The following ZDHHC21 variants were observed in gnomAD, a reference collection of about 807,000 sequenced individuals.
ZDHHC21 encodes the protein zDHHC palmitoyltransferase 21, also known as palmitoyltransferase ZDHHC21.
In ZDHHC21, 15 loss-of-function variants were observed where a neutral mutation model predicts 34.6. The observed-to-expected ratio is 0.43, with a 90% CI of 0.29 to 0.67. The LOEUF (loss-of-function observed/expected upper bound fraction) is 0.67, where lower values mean the gene tolerates loss of function less well. ZDHHC21 is among the 30% of genes least tolerant of loss of function. The pLI is 0.14. For missense variants in ZDHHC21, 344 were observed against 327.7 expected (o/e 1.05, Z -0.38); for synonymous variants, 142 against 101.8 (o/e 1.40, Z -2.38).
At chr9:14,610,084 A>T (rs973790563), downstream of ZDHHC21, among the ~76,000 whole-genome samples, 3 of 152,206 alleles carry the variant, frequency 2.0e-5, no homozygotes, top group South Asian at 6.2e-4. Context: ...TAAATGAATT[A>T]GCAACTATTT....
At chr9:14,633,974 G>A (rs1294704897) in intron 8 of ZDHHC21, among the ~76,000 whole-genome samples, 1 of 152,180 alleles carries the variant, frequency 6.6e-6, no homozygotes, top group African/African-American at 2.4e-5. Flanking sequence ...TGTACCACCA[G>A]GGGACCTGAG....
the ZDHHC21 span, among the ~76,000 whole-genome samples, chr9:14,597,017 C>T: frequency 6.6e-6 from 1 of 152,154 alleles, no homozygotes; most frequent in Non-Finnish European, 1.5e-5. Context: ...TCCCCCAGTA[C>T]ACTTTTCCAT....
chr9:14,608,482 T>A (rs1221772121), downstream of ZDHHC21, among the ~76,000 whole-genome samples: 1 of 152,192 alleles, frequency 6.6e-6, no homozygotes, highest in African/African-American at 2.4e-5. Flanking sequence ...ATTTCCTCAA[T>A]AGTCTGGCTT....
At chr9:14,628,170 G>C (rs1196524044) in intron 8 of ZDHHC21, among the ~76,000 whole-genome samples, 3 of 152,076 alleles carry the variant, frequency 2.0e-5, no homozygotes, top group Non-Finnish European at 2.9e-5. Context: ...GAAACATCTG[G>C]TTGTGTTGAA....
At chr9:14,646,598 A>G (rs1442365110) in intron 7 of ZDHHC21, among the ~76,000 whole-genome samples, 1 of 152,086 alleles carries the variant, frequency 6.6e-6, no homozygotes. Flanking sequence ...CTACAACTAC[A>G]CTGACCTCCT....
intron 5 of ZDHHC21, among the ~76,000 whole-genome samples, chr9:14,669,450 C>A (rs1423301425): frequency 1.2e-4 from 18 of 148,920 alleles, no homozygotes; most frequent in Non-Finnish European, 3.0e-5. Context: ...TGTGGCGATT[C>A]CTCAGGGATC....
At chr9:14,632,243 T>C (rs928040665) in intron 8 of ZDHHC21, among the ~76,000 whole-genome samples, 8 of 152,108 alleles carry the variant, frequency 5.3e-5, no homozygotes, top group African/African-American at 1.9e-4. Flanking sequence ...CATAAAGATA[T>C]CTCTATGTCA....
At chr9:14,650,140 T>C (rs1830972075) in intron 7 of ZDHHC21, among the ~76,000 whole-genome samples, 1 of 152,004 alleles carries the variant, frequency 6.6e-6, no homozygotes, top group South Asian at 2.1e-4. Context: ...GTTTCTGTGT[T>C]CCATCTCTCA....
chr9:14,673,544 T>C (rs1587381292), intron 4 of ZDHHC21, among the ~76,000 whole-genome samples: 2 of 151,070 alleles, frequency 1.3e-5, no homozygotes, highest in African/African-American at 4.9e-5. Context: ...AAAAAAAACA[T>C]ACTGTACATG....
Position 14,672,937 on chromosome 9 carries a change from T to C in ZDHHC21, c.155-9A>G. 3 of 1,428,848 alleles carry C rather than the reference T, an allele frequency of 2.1e-6. No homozygotes were observed. The highest frequency in any genetic ancestry group is 1.4e-5 in the South Asian group (1 of 72,842). 88.5% of individuals were successfully genotyped at this position (1,428,848 alleles called of 1,614,324 possible). A position where few individuals can be genotyped will look rare whatever the true frequency, so the allele number is the denominator to read the frequency against. Reference sequence around the variant, plus strand: ...GGAAATGCCATAGAATACTTTAAAATAAATAAATTAAATAAATTAGTCACT... The same window carrying C: ...GGAAATGCCATAGAATACTTTAAAACAAATAAATTAAATAAATTAGTCACT... On this transcript the variant is annotated splice_polypyrimidine_tract_variant and intron_variant, in intron 4 of 9. Coordinates refer to ENST00000380916, the MANE Select transcript of ZDHHC21 (RefSeq NM_178566.6).
At chr9:14,607,388 A>T (rs1823045511), downstream of ZDHHC21, among the ~76,000 whole-genome samples, 1 of 152,172 alleles carries the variant, frequency 6.6e-6, no homozygotes, top group East Asian at 1.9e-4. Context: ...TAGGTGACAG[A>T]GGCAGACCCT....
chr9:14,620,073 G>A (rs1376363205), intron 8 of ZDHHC21, among the ~76,000 whole-genome samples: 1 of 151,936 alleles, frequency 6.6e-6, no homozygotes, highest in East Asian at 1.9e-4. Context: ...AGAAACTAAT[G>A]AACAGAAAAC....
chr9:14,690,863 AAG>A (rs1342612419), intron 1 of ZDHHC21, among the ~76,000 whole-genome samples: 3 of 152,214 alleles, frequency 2.0e-5, no homozygotes, highest in South Asian at 4.1e-4. Context: ...TACCTTTAAT[AAG>A]AGTTATTTAA....
intron 2 of ZDHHC21, among the ~76,000 whole-genome samples, 171 bp from the exon 3 acceptor site, chr9:14,680,333 T>C (rs1460704203): frequency 6.6e-6 from 1 of 152,164 alleles, no homozygotes; most frequent in Non-Finnish European, 1.5e-5. Flanking sequence ...CCCCTCAGAA[T>C]TTGCATTTGA....
intron 8 of ZDHHC21, among the ~76,000 whole-genome samples, chr9:14,624,923 T>C: frequency 6.6e-6 from 1 of 152,110 alleles, no homozygotes; most frequent in Non-Finnish European, 1.5e-5. Flanking sequence ...CTATGTACAA[T>C]TATTATATAT....
At chr9:14,653,562 T>G (rs976339583) in intron 7 of ZDHHC21, among the ~76,000 whole-genome samples, 5 of 151,992 alleles carry the variant, frequency 3.3e-5, no homozygotes, top group African/African-American at 1.2e-4. Flanking sequence ...GTTTTGTTGT[T>G]TTTTTTGCCC....
downstream of ZDHHC21, among the ~76,000 whole-genome samples, chr9:14,606,361 C>T (rs182563440): frequency 2.3e-4 from 35 of 152,284 alleles, no homozygotes; most frequent in East Asian, 5.8e-3. Flanking sequence ...TAGAACCCAG[C>T]CATCATGCTG....
chr9:14,646,486 T>C (rs1311108706), intron 7 of ZDHHC21, among the ~76,000 whole-genome samples: 2 of 151,982 alleles, frequency 1.3e-5, no homozygotes, highest in East Asian at 3.9e-4. Flanking sequence ...AGACAAAAAT[T>C]TGTCAAATAA....
At chr9:14,633,738 G>A (rs1827779740) in intron 8 of ZDHHC21, among the ~76,000 whole-genome samples, 1 of 152,096 alleles carries the variant, frequency 6.6e-6, no homozygotes, top group Non-Finnish European at 1.5e-5. Context: ...ATTTTCACAT[G>A]CCCCAATGTC....
Sources: gnomAD v4.1 joint callset for allele counts (sites outside exome capture counted in the v4.1 genomes callset) on GRCh38, gnomAD v4.1.1 for gene constraint, MANE v1.5 for transcripts, NCBI Gene and HGNC (gene_info 2026-07-23, HGNC 2026-07-21) for gene names.